The following STK33 variants were observed in gnomAD, a reference collection of about 807,000 sequenced individuals.
STK33 encodes serine/threonine-protein kinase 33.
In STK33, 52 loss-of-function variants were observed where a neutral mutation model predicts 58.0. The observed-to-expected ratio is 0.90, with a 90% CI of 0.72 to 1.13. STK33 has a LOEUF of 1.13. Ranked by LOEUF, STK33 falls within the 50% of genes most tolerant of loss-of-function variation. STK33 has a pLI of 0.00. For synonymous variants in STK33, 215 were observed against 200.1 expected (o/e 1.07, Z -0.63); for missense variants, 630 against 604.2 (o/e 1.04, Z -0.45).
chr11:8,503,546 C>T (rs1443859512), intron 1 of STK33, among the ~76,000 whole-genome samples: 1 of 152,104 alleles, frequency 6.6e-6, no homozygotes, highest in Non-Finnish European at 1.5e-5. Context: ...GACAAAACAA[C>T]ATAGACACCA....
At chr11:8,533,500 GAAGA>G (rs1954713894) in intron 1 of STK33, 1 of 152,274 alleles carries the variant, frequency 6.6e-6, no homozygotes. Context: ...GAAGGTCCTA[GAAGA>G]AAGAGGTGAA....
chr11:8,398,129 C>T (rs532461325), intron 15 of STK33, among the ~76,000 whole-genome samples: 7 of 152,092 alleles, frequency 4.6e-5, no homozygotes, highest in South Asian at 2.1e-4. Context: ...AGATACTCCT[C>T]GAGAAGAGCA....
intron 1 of STK33, among the ~76,000 whole-genome samples, chr11:8,533,017 T>G (rs183942631): frequency 1.3e-5 from 2 of 152,358 alleles, no homozygotes; most frequent in East Asian, 3.9e-4. Flanking sequence ...AATTCTGTCA[T>G]GTTTGTACAC....
At chr11:8,341,456 C>A in the STK33 span, among the ~76,000 whole-genome samples, 1 of 152,248 alleles carries the variant, frequency 6.6e-6, no homozygotes, top group African/African-American at 2.4e-5. Context: ...CGCCCCTGGG[C>A]TTCCAGATCA....
chr11:8,348,135 C>T, the STK33 span, among the ~76,000 whole-genome samples: 1 of 152,216 alleles, frequency 6.6e-6, no homozygotes, highest in African/African-American at 2.4e-5. Flanking sequence ...GCTGACCCCT[C>T]ACCTCTTTTC....
At chr11:8,387,151 C>A (rs183573806), downstream of STK33, among the ~76,000 whole-genome samples, 5 of 152,308 alleles carry the variant, frequency 3.3e-5, no homozygotes, top group Admixed American at 1.3e-4. Context: ...CGTCAACATG[C>A]AAAATAATTC....
At chr11:8,575,639 G>A (rs541604403) in intron 1 of STK33, among the ~76,000 whole-genome samples, 1 of 152,162 alleles carries the variant, frequency 6.6e-6, no homozygotes, top group East Asian at 1.9e-4. Flanking sequence ...TTTCTGTTTG[G>A]GGTGTTGAAA....
chr11:8,586,097 C>T (rs1418265255), intron 1 of STK33, among the ~76,000 whole-genome samples: 2 of 151,600 alleles, frequency 1.3e-5, no homozygotes, highest in African/African-American at 4.8e-5. Context: ...CATGCTTGTG[C>T]TCCCAGCTAC....
intron 1 of STK33, among the ~76,000 whole-genome samples, chr11:8,561,739 A>G (rs1957126468): frequency 6.6e-6 from 1 of 152,188 alleles, no homozygotes; most frequent in Admixed American, 6.5e-5. Flanking sequence ...CATAAGCCTA[A>G]CTTGAAATAG....
At chr11:8,415,500 G>A (rs569765565) in intron 14 of STK33, among the ~76,000 whole-genome samples, 1 of 152,174 alleles carries the variant, frequency 6.6e-6, no homozygotes, top group African/African-American at 2.4e-5. Flanking sequence ...GGTAATTACA[G>A]AAGCATAGAG....
chr11:8,372,970 C>G, the STK33 span, among the ~76,000 whole-genome samples: 2 of 152,208 alleles, frequency 1.3e-5, no homozygotes, highest in South Asian at 4.1e-4. Flanking sequence ...AGACCCCATG[C>G]AGCAGGGAGG....
At chr11:8,371,890 A>AT in the STK33 span, among the ~76,000 whole-genome samples, 2 of 59,732 alleles carry the variant, frequency 3.3e-5, no homozygotes, top group Non-Finnish European at 6.7e-5. Flanking sequence ...TTTTTCCTTT[A>AT]TTTTTATTTT....
chr11:8,427,613 T>C (rs1942930988), intron 14 of STK33, among the ~76,000 whole-genome samples: 1 of 152,104 alleles, frequency 6.6e-6, no homozygotes, highest in Non-Finnish European at 1.5e-5. Flanking sequence ...TTTAACCCCA[T>C]ATATCTTTTC....
chr11:8,367,146 G>A, the STK33 span, among the ~76,000 whole-genome samples: 1 of 152,244 alleles, frequency 6.6e-6, no homozygotes, highest in South Asian at 2.1e-4. Flanking sequence ...AGTACTAAAT[G>A]TGTACAAAGC....
chr11:8,543,393 A>G (rs1955672973), intron 1 of STK33, among the ~76,000 whole-genome samples: 1 of 152,266 alleles, frequency 6.6e-6, no homozygotes, highest in Admixed American at 6.5e-5. Flanking sequence ...CCAAATAAGT[A>G]AAATTTAAAT....
intron 1 of STK33, among the ~76,000 whole-genome samples, chr11:8,485,730 CAAATGAACAGT>C (rs1017744222): frequency 4.6e-5 from 7 of 152,100 alleles, no homozygotes; most frequent in Non-Finnish European, 8.8e-5. Context: ...TAGCTTTTGC[CAAATGAACAGT>C]AAACTCTACT....
chr11:8,339,889 T>A, the STK33 span, among the ~76,000 whole-genome samples: 1 of 152,284 alleles, frequency 6.6e-6, no homozygotes, highest in East Asian at 1.9e-4. Flanking sequence ...AGGTGAGTCC[T>A]CACCTCCTCT....
chr11:8,339,347 C>T, the STK33 span, among the ~76,000 whole-genome samples: 1 of 152,208 alleles, frequency 6.6e-6, no homozygotes. Context: ...CCTTAATAAA[C>T]ACCTTGTCTC....
intron 1 of STK33, among the ~76,000 whole-genome samples, chr11:8,487,992 C>G (rs1399173019): frequency 2.0e-5 from 3 of 152,134 alleles, no homozygotes; most frequent in African/African-American, 7.2e-5. Context: ...TAAAAATAAT[C>G]GTGAAAAGTA....
Sources: allele counts gnomAD v4.1 joint callset (sites outside exome capture counted in the v4.1 genomes callset), GRCh38; gene constraint gnomAD v4.1.1; transcripts MANE v1.5; gene names NCBI Gene and HGNC (gene_info 2026-07-23, HGNC 2026-07-21).